NFIB: variants seen among roughly 807,000 people sequenced by gnomAD.
NFIB encodes nuclear factor I B.
Under a neutral mutation model 61.5 loss-of-function variants are expected in NFIB, and 11 were observed. That is an observed-to-expected ratio of 0.18 (90% CI 0.11 to 0.30). The LOEUF is 0.30. Ranked by LOEUF, NFIB falls within the 10% of genes least tolerant of loss-of-function variation. NFIB has a pLI of 1.00. For missense variants in NFIB, 471 were observed against 608.9 expected (o/e 0.77, Z 2.38); for synonymous variants, 260 against 216.5 (o/e 1.20, Z -1.76).
At chr9:14,237,599 C>T (rs947555940) in intron 2 of NFIB, among the ~76,000 whole-genome samples, 21 of 152,168 alleles carry the variant, frequency 1.4e-4, no homozygotes, top group Admixed American at 1.2e-3. Flanking sequence ...TGCAAAATCT[C>T]GTCCCCACAT....
chr9:14,365,381 T>A (rs1326571776), intron 1 of NFIB, among the ~76,000 whole-genome samples: 1 of 152,224 alleles, frequency 6.6e-6, no homozygotes, highest in African/African-American at 2.4e-5. Context: ...GGATAATGTG[T>A]CTTCCCACAC....
chr9:14,092,094 T>C (rs1196390103), intron 10 of NFIB, among the ~76,000 whole-genome samples: 4 of 152,176 alleles, frequency 2.6e-5, no homozygotes, highest in African/African-American at 9.6e-5. Context: ...TTGGTAAGAC[T>C]ACCTCTGAAG....
At chr9:14,188,540 T>C (rs1214932330) in intron 2 of NFIB, among the ~76,000 whole-genome samples, 1 of 152,250 alleles carries the variant, frequency 6.6e-6, no homozygotes, top group Non-Finnish European at 1.5e-5. Context: ...TGCATATTTG[T>C]TGGAAGCAAA....
the NFIB span, among the ~76,000 whole-genome samples, chr9:14,444,160 A>G: frequency 6.6e-6 from 1 of 152,254 alleles, no homozygotes; most frequent in Non-Finnish European, 1.5e-5. Context: ...CCAAATTGAG[A>G]TATCAAATAT....
intron 1 of NFIB, among the ~76,000 whole-genome samples, chr9:14,397,464 C>T (rs1283665289): frequency 6.6e-6 from 1 of 152,176 alleles, no homozygotes; most frequent in Non-Finnish European, 1.5e-5. Flanking sequence ...TTGTTTCTGA[C>T]TATTTAATAT....
intron 2 of NFIB, among the ~76,000 whole-genome samples, chr9:14,207,887 T>C (rs1168635104): frequency 6.6e-6 from 1 of 152,120 alleles, no homozygotes; most frequent in Non-Finnish European, 1.5e-5. Context: ...TTCACCACTT[T>C]CTCACACAGG....
chr9:14,147,740 C>T (rs1170160247), intron 5 of NFIB, among the ~76,000 whole-genome samples: 1 of 149,196 alleles, frequency 6.7e-6, no homozygotes, highest in Non-Finnish European at 1.5e-5. Flanking sequence ...CTCCCAGGCT[C>T]AAACAATCCT....
chr9:14,527,215 C>G, the NFIB span, among the ~76,000 whole-genome samples: 1 of 152,052 alleles, frequency 6.6e-6, no homozygotes, highest in Non-Finnish European at 1.5e-5. Context: ...TATAATTTCT[C>G]TGTGACAAAA....
At chr9:14,171,621 A>T (rs2045573974) in intron 3 of NFIB, among the ~76,000 whole-genome samples, 1 of 152,228 alleles carries the variant, frequency 6.6e-6, no homozygotes, top group African/African-American at 2.4e-5. Context: ...TGGGAAAGAA[A>T]TCATGAGCAA....
chr9:14,259,766 G>T (rs761030481), intron 2 of NFIB, among the ~76,000 whole-genome samples: 1 of 152,058 alleles, frequency 6.6e-6, no homozygotes, highest in Admixed American at 6.5e-5. Context: ...TTAGCCGGGC[G>T]TGGTGGCGGG....
chr9:14,347,444 C>T (rs186017062), intron 1 of NFIB: 2 of 152,394 alleles, frequency 1.3e-5, no homozygotes, highest in African/African-American at 4.8e-5. Context: ...CCTGCCAGCG[C>T]CAGCTGGGGC....
the NFIB span, among the ~76,000 whole-genome samples, chr9:14,480,417 T>A: frequency 6.6e-6 from 1 of 152,138 alleles, no homozygotes; most frequent in Non-Finnish European, 1.5e-5. Context: ...AGACTCTATG[T>A]GAAAGAACTT....
intron 2 of NFIB, among the ~76,000 whole-genome samples, chr9:14,218,238 AG>A (rs1452697101): frequency 6.6e-6 from 1 of 152,226 alleles, no homozygotes; most frequent in African/African-American, 2.4e-5. Context: ...ACCATATTGA[AG>A]CCAAATAGAA....
chr9:14,320,827 C>T (rs1484552552), intron 1 of NFIB, among the ~76,000 whole-genome samples: 1 of 152,056 alleles, frequency 6.6e-6, no homozygotes, highest in Non-Finnish European at 1.5e-5. Flanking sequence ...AACTTTTTCC[C>T]GCCTATTGGA....
chr9:14,427,628 G>C, the NFIB span, among the ~76,000 whole-genome samples: 1 of 152,266 alleles, frequency 6.6e-6, no homozygotes, highest in African/African-American at 2.4e-5. Context: ...ACTGGGCCAA[G>C]GCAATCACCC....
Position 14,346,365 on chromosome 9 carries a change from G to T in NFIB, c.109-38845C>A, listed in dbSNP as rs189603091. Among the ~76,000 whole-genome samples, 5 of 146,522 alleles carry T rather than the reference G, an allele frequency of 3.4e-5. No individual in the cohort carries two copies. The East Asian group carries it at 8.2e-4, about 24-fold the overall frequency. On this transcript the variant is annotated intron_variant, in intron 1 of 8. Coordinates refer to the NFIB transcript ENST00000380934. ...TGCCCCTGGGAACGTCGCTCCGGAC[G>T]GGCGTCATCTGCCACGTGTGATAGG...
At position 14,084,707 on chromosome 9, in the gene NFIB, G is replaced by C; in HGVS notation, c.*3602C>G. Reference sequence around the variant, plus strand: ...GCCATCCTGAAGCTCTGCAGTTCTGGGTAAGGGAGGGGCGTGCAAGACCTG... The same window carrying C: ...GCCATCCTGAAGCTCTGCAGTTCTGCGTAAGGGAGGGGCGTGCAAGACCTG... On this transcript the variant is annotated 3_prime_UTR_variant, in exon 11 of 11. Transcript: ENST00000380953. 4.4e-6 allele frequency: 1 copy of C among 229,836 alleles called. No homozygotes were observed. Among genetic ancestry groups the C allele is most frequent in the Non-Finnish European group, 8.6e-6 (1 of 115,902 alleles). The allele number at this position is 229,836 out of a possible 1,614,324, so 14.2% of individuals were successfully genotyped here. A position where few individuals can be genotyped will look rare whatever the true frequency, so the allele number is the denominator to read the frequency against.
intron 1 of NFIB, among the ~76,000 whole-genome samples, chr9:14,341,047 G>GT (rs1200919551): frequency 3.3e-5 from 5 of 152,182 alleles, no homozygotes. Context: ...GATGAGGAAT[G>GT]TAGGTCAAAG....
the NFIB span, among the ~76,000 whole-genome samples, chr9:14,412,640 G>A: frequency 1.3e-5 from 2 of 152,116 alleles, no homozygotes; most frequent in Admixed American, 6.5e-5. Context: ...CATGAGCAGG[G>A]CTCAGCTGTG....
Sources: gnomAD v4.1 joint callset for allele counts (sites outside exome capture counted in the v4.1 genomes callset) on GRCh38, gnomAD v4.1.1 for gene constraint, MANE v1.5 for transcripts, NCBI Gene and HGNC (gene_info 2026-07-23, HGNC 2026-07-21) for gene names.